The following SYNE3 variants were observed in gnomAD, a reference collection of about 807,000 sequenced individuals.
SYNE3 encodes the protein nesprin-3.
Under a neutral mutation model 111.2 loss-of-function variants are expected in SYNE3, and 100 were observed. The observed-to-expected ratio is 0.90, with a 90% CI of 0.77 to 1.06. The LOEUF (loss-of-function observed/expected upper bound fraction) is 1.06. Ranked by LOEUF, SYNE3 falls within the 50% of genes least tolerant of loss-of-function variation. The probability of loss-of-function intolerance (pLI) is 0.00; values close to 1 mark genes in which losing one functional copy is unlikely to be tolerated. For missense variants in SYNE3, 1,160 were observed against 1,240.3 expected, an observed-to-expected ratio of 0.94 and a Z score of 0.97; for synonymous variants, 547 against 533.9, an observed-to-expected ratio of 1.02 and a Z score of -0.34.
At chr14:95,476,956 C>T (rs1888922736) in intron 1 of SYNE3, among the ~76,000 whole-genome samples, 1 of 151,980 alleles carries the variant, frequency 6.6e-6, no homozygotes, top group Non-Finnish European at 1.5e-5. Flanking sequence ...ATGCAGCCAG[C>T]AAAAAGGAGG....
Position 95,432,038 on chromosome 14 carries a change from C to G in SYNE3, c.2727+41G>C, listed in dbSNP as rs753611403. 14 of 1,602,210 alleles carry G rather than the reference C, an allele frequency of 8.7e-6. 1 individual carries two copies. In the Middle Eastern group the frequency reaches 5.0e-4, roughly 57 times the overall value. ...ACGGGCCCACCAACCCTCCAGGCAC[C>G]CTGCCTGCTAGCCGTGTGGAGCAGA... On this transcript the variant is annotated intron_variant, in intron 17 of 17. Transcript: ENST00000682763.
chr14:95,475,561 T>C, intron 2 of SYNE3, 117 bp downstream of exon 2: 1 of 1,192,330 alleles, frequency 8.4e-7, no homozygotes, highest in Non-Finnish European at 1.1e-6. Flanking sequence ...ACATCAGAGT[T>C]TGAGAAACAT....
At chr14:95,478,284 C>CTG (rs1425156469) in intron 1 of SYNE3, among the ~76,000 whole-genome samples, 1 of 152,194 alleles carries the variant, frequency 6.6e-6, no homozygotes, top group Admixed American at 6.5e-5. Context: ...AATAAGCAGA[C>CTG]AGCAGACACT....
intron 2 of SYNE3, among the ~76,000 whole-genome samples, chr14:95,471,343 C>CT (rs895208230): frequency 6.6e-6 from 1 of 152,188 alleles, no homozygotes; most frequent in African/African-American, 2.4e-5. Flanking sequence ...CTGTGTGGTC[C>CT]CCCCAGACCC....
At chr14:95,452,786 G>A (rs922854242) in intron 6 of SYNE3, among the ~76,000 whole-genome samples, 5 of 152,250 alleles carry the variant, frequency 3.3e-5, no homozygotes, top group African/African-American at 1.2e-4. Flanking sequence ...TATTTACAAG[G>A]AAACTTGGGC....
chr14:95,497,226 A>C (rs769713568), intron 1 of SYNE3, among the ~76,000 whole-genome samples: 4 of 152,212 alleles, frequency 2.6e-5, no homozygotes, highest in Non-Finnish European at 5.9e-5. Context: ...TTCAAACCTG[A>C]CTTTGCTGCC....
chr14:95,456,437 G>A (rs538802104), intron 5 of SYNE3, among the ~76,000 whole-genome samples: 13 of 152,342 alleles, frequency 8.5e-5, no homozygotes, highest in African/African-American at 2.2e-4. Context: ...GGGCTGGATC[G>A]CTCTGTGCTG....
rs1481599193 is a variant in SYNE3, at chr14:95,457,269, G to A, written c.697C>T (p.Gln233Ter). The change falls in exon 5 of 18, where the codon CAA becomes TAA. Residue 233 changes from glutamine (Q) to a stop codon, truncating the protein, a stop_gained. Transcript: ENST00000682763. LOFTEE classifies it high-confidence loss of function. ...EEYQAGVDEF[Q>*]LWLKAVVEKV... ...TCCACCACCGCCTTCAGCCACAGTT[G>A]GAACTCGTCCACACCTGCCTGGTAC... The A allele has an allele frequency of 1.9e-6, 3 of 1,614,002 alleles. No homozygotes were observed. Among genetic ancestry groups the A allele is most frequent in the African/African-American group, 1.3e-5 (1 of 74,914 alleles).
chr14:95,455,870 T>C (rs1242066670), intron 5 of SYNE3, 146 bp from the exon 6 acceptor site: 1 of 751,038 alleles, frequency 1.3e-6, no homozygotes, highest in African/African-American at 1.8e-5. Context: ...TCCCAAGGGC[T>C]GGACTGTCTG....
chr14:95,491,204 C>T (rs567154272), intron 1 of SYNE3, among the ~76,000 whole-genome samples: 21 of 152,178 alleles, frequency 1.4e-4, no homozygotes, highest in African/African-American at 5.1e-4. Context: ...TCTGTGGAAA[C>T]CTCCCTGCAG....
rs1167856931 is a variant in SYNE3, at chr14:95,414,980, T to C, written c.*2846A>G. 1 of 152,324 alleles carries C rather than the reference T, an allele frequency of 6.6e-6. No individual in the cohort carries two copies. The highest frequency in any genetic ancestry group is 6.5e-5 in the Admixed American group (1 of 15,304). The allele number at this position is 152,324 out of a possible 1,614,324, so 9.4% of individuals were successfully genotyped here. ...ACAAACAGACTTGATGGCATCATTA[T>C]CAAAATTTAAAAAATATAGGTAGAT... is the stretch of plus-strand genomic sequence containing the variant. On this transcript the variant is annotated 3_prime_UTR_variant, in exon 18 of 18. Coordinates refer to ENST00000682763, the MANE Select transcript of SYNE3 (RefSeq NM_152592.6).
chr14:95,491,393 T>C (rs1156502762), intron 1 of SYNE3, among the ~76,000 whole-genome samples: 2 of 152,186 alleles, frequency 1.3e-5, no homozygotes, highest in Admixed American at 1.3e-4. Flanking sequence ...TTCTTCAAAA[T>C]GACTCACAGA....
chr14:95,454,879 G>A (rs574800033), intron 6 of SYNE3, among the ~76,000 whole-genome samples: 1 of 152,154 alleles, frequency 6.6e-6, no homozygotes, highest in Admixed American at 6.5e-5. Context: ...GGGCTGGGGA[G>A]CCTCTGATGG....
Position 95,504,120 on chromosome 14 carries a change from A to G in SYNE3, c.-15+12476T>C, listed in dbSNP as rs146047778. On this transcript the variant is annotated intron_variant, in intron 1 of 17. Coordinates refer to ENST00000682763, the MANE Select transcript of SYNE3 (RefSeq NM_152592.6). ...AAAATCAAAAGAATAATAATGTTTC[A>G]TGGCATATGAAAATTATGTGAAATT... Among the ~76,000 whole-genome samples the G allele has an allele frequency of 7.3e-3, 1,119 of 152,346 alleles. 3 individuals carry two copies. Among genetic ancestry groups the G allele is most frequent in the Non-Finnish European group, 0.012 (787 of 68,018 alleles).
At chr14:95,506,422 A>G (rs1890530095) in intron 1 of SYNE3, among the ~76,000 whole-genome samples, 1 of 152,252 alleles carries the variant, frequency 6.6e-6, no homozygotes, top group African/African-American at 2.4e-5. Context: ...AAAGGAGGAC[A>G]CTGTCTGTGC....
chr14:95,409,028 A>C lies in SYNE3; in HGVS notation c.*8798T>G. The C allele has an allele frequency of 2.5e-6, 1 of 402,696 alleles. No homozygotes were observed. Among genetic ancestry groups the C allele is most frequent in the Non-Finnish European group, 5.0e-6 (1 of 198,244 alleles). 24.9% of individuals were successfully genotyped at this position (402,696 alleles called of 1,614,324 possible). A position where few individuals can be genotyped will look rare whatever the true frequency, so the allele number is the denominator to read the frequency against. On this transcript the variant is annotated 3_prime_UTR_variant, in exon 18 of 18. Coordinates refer to ENST00000682763, the MANE Select transcript of SYNE3 (RefSeq NM_152592.6). ...CCCGCAGGAGTGGGCACAGGAGGAA[A>C]GCAGCATGCTGCCCCTGCTTTGGAA...
chr14:95,450,770 A>G (rs1416565945), intron 7 of SYNE3: 1 of 152,328 alleles, frequency 6.6e-6, no homozygotes, highest in Non-Finnish European at 1.5e-5. Flanking sequence ...CAGGCCAGCT[A>G]TATGACCTTA....
At chr14:95,439,515 C>G in intron 13 of SYNE3, 97 bp downstream of exon 13, 2 of 1,515,634 alleles carry the variant, frequency 1.3e-6, no homozygotes, top group Non-Finnish European at 1.8e-6. Flanking sequence ...CCACACTGGG[C>G]AGCACCCTGG....
chr14:95,446,545 C>T (rs775323120), intron 8 of SYNE3, among the ~76,000 whole-genome samples: 2 of 152,072 alleles, frequency 1.3e-5, no homozygotes, highest in Non-Finnish European at 2.9e-5. Context: ...AGTGATCCCC[C>T]GTCACCAACA....
Sources: allele counts gnomAD v4.1 joint callset (sites outside exome capture counted in the v4.1 genomes callset), GRCh38; gene constraint gnomAD v4.1.1; transcripts MANE v1.5; gene names NCBI Gene and HGNC (gene_info 2026-07-23, HGNC 2026-07-21).